The following ATRX variants were observed in gnomAD, a reference collection of about 807,000 sequenced individuals.
The protein encoded by ATRX is chromatin remodeler ATRX.
In ATRX, 12 loss-of-function variants were observed where a neutral mutation model predicts 172.6. The ratio of observed to expected loss-of-function variants is 0.07; its 90% CI spans 0.04 to 0.11. The LOEUF is 0.11. Among genes scored for constraint, ATRX ranks in the 10% least tolerant of loss-of-function variants. ATRX has a pLI of 1.00. For missense variants in ATRX, 1,368 were observed against 1,767.4 expected (o/e 0.77, Z 4.05); for synonymous variants, 674 against 594.7 (o/e 1.13, Z -1.94).
At chrX:77,593,229 G>GAAA (rs781904850) in intron 26 of ATRX, among the ~76,000 whole-genome samples, 10 of 55,126 alleles carry the variant, frequency 1.8e-4, no homozygotes, top group Admixed American at 4.5e-4. Context: ...GTCTCATAAT[G>GAAA]AAAAAAAAAA....
chrX:77,674,950 T>C (rs2070792496), intron 10 of ATRX: 1 of 111,580 alleles, frequency 9.0e-6, no homozygotes, highest in Admixed American at 9.6e-5. Context: ...AATCTGAATA[T>C]TTGTGTCCAC....
intron 1 of ATRX, among the ~76,000 whole-genome samples, chrX:77,732,862 C>T (rs1389839783): frequency 1.5e-4 from 17 of 111,396 alleles, no homozygotes; most frequent in Non-Finnish European, 2.3e-4. Context: ...ATCCAGATCA[C>T]GACAAGAATG....
At chrX:77,704,280 A>G (rs1480156975) in intron 2 of ATRX, among the ~76,000 whole-genome samples, 2 of 111,749 alleles carry the variant, frequency 1.8e-5, no homozygotes, top group Non-Finnish European at 3.8e-5. Context: ...AGCTCACAGC[A>G]GAGAGGAGGC....
chrX:77,662,359 C>T (rs1194663286), intron 12 of ATRX, among the ~76,000 whole-genome samples: 1 of 111,973 alleles, frequency 8.9e-6, no homozygotes, highest in Non-Finnish European at 1.9e-5. Flanking sequence ...AAATGGAAAT[C>T]TACTCTGACT....
chrX:77,763,424 G>C (rs1452130556), intron 1 of ATRX, among the ~76,000 whole-genome samples: 1 of 101,340 alleles, frequency 9.9e-6, no homozygotes, highest in Non-Finnish European at 2.0e-5. Context: ...GATTACAGGC[G>C]TGAGCCACCG....
chrX:77,584,581 G>A (rs2065940498), intron 27 of ATRX, among the ~76,000 whole-genome samples: 1 of 111,224 alleles, frequency 9.0e-6, no homozygotes, highest in Non-Finnish European at 1.9e-5. Context: ...AGCAAATGGT[G>A]CTGGGGAAAA....
chrX:77,773,203 C>A (rs1557200244), intron 1 of ATRX, among the ~76,000 whole-genome samples: 2 of 106,780 alleles, frequency 1.9e-5, no homozygotes, highest in Non-Finnish European at 3.8e-5. Flanking sequence ...TGCTTAACAA[C>A]AGGTCCAATC....
At chrX:77,527,316 T>C (rs1290635057) in intron 30 of ATRX, among the ~76,000 whole-genome samples, 1 of 111,251 alleles carries the variant, frequency 9.0e-6, no homozygotes, top group Non-Finnish European at 1.9e-5. Context: ...GTTCTCACAT[T>C]GGGACTGAAT....
At chrX:77,551,344 T>A (rs1557056089) in intron 30 of ATRX, among the ~76,000 whole-genome samples, 2 of 111,578 alleles carry the variant, frequency 1.8e-5, no homozygotes, top group Non-Finnish European at 3.8e-5. Flanking sequence ...TTGACAAACC[T>A]GACAAAAACA....
chrX:77,745,503 A>C (rs2075034612), intron 1 of ATRX, among the ~76,000 whole-genome samples: 1 of 111,801 alleles, frequency 8.9e-6, no homozygotes, highest in Admixed American at 9.6e-5. Flanking sequence ...AACAAACTTC[A>C]CATGTTCTCA....
At chrX:77,746,809 CTT>C (rs1311683213) in intron 1 of ATRX, among the ~76,000 whole-genome samples, 1 of 110,810 alleles carries the variant, frequency 9.0e-6, no homozygotes, top group African/African-American at 3.3e-5. Context: ...TTGAAAAACC[CTT>C]TTTTTGAGAT....
intron 30 of ATRX, among the ~76,000 whole-genome samples, chrX:77,549,990 A>AAATGAAATGAAATGAAATG (rs1569521366): frequency 9.0e-6 from 1 of 110,835 alleles, no homozygotes; most frequent in African/African-American, 3.3e-5. Context: ...GAAATGAAAT[A>AAATGAAATGAAATGAAATG]AAATAAAATA....
At chrX:77,765,287 C>T (rs1319062870) in intron 1 of ATRX, among the ~76,000 whole-genome samples, 4 of 112,275 alleles carry the variant, frequency 3.6e-5, no homozygotes, top group African/African-American at 1.3e-4. Context: ...AGCAAGGAAA[C>T]AGCTCTGAAG....
At chrX:77,580,793 A>G (rs929470237) in intron 27 of ATRX, among the ~76,000 whole-genome samples, 16 of 112,056 alleles carry the variant, frequency 1.4e-4, no homozygotes, top group African/African-American at 4.5e-4. Flanking sequence ...GTGGTGTATA[A>G]ATTACTCTTA....
At chrX:77,559,489 C>T (rs2064939600) in intron 28 of ATRX, among the ~76,000 whole-genome samples, 1 of 80,009 alleles carries the variant, frequency 1.2e-5, no homozygotes, top group Non-Finnish European at 2.2e-5. Flanking sequence ...GACGGAGACT[C>T]ACTCTGTCAC....
chrX:77,780,566 G>C (rs1016350898), intron 1 of ATRX, among the ~76,000 whole-genome samples: 1 of 109,093 alleles, frequency 9.2e-6, no homozygotes, highest in Non-Finnish European at 1.9e-5. Context: ...CTGACCTCAT[G>C]ATCCACCTGC....
intron 25 of ATRX, 89 bp downstream of exon 25, chrX:77,599,318 CAATT>C (rs1396723981): frequency 1.1e-5 from 11 of 990,320 alleles, no homozygotes; most frequent in Middle Eastern, 5.2e-4. Flanking sequence ...TCCTTTGAGT[CAATT>C]AGTCAGGTAA....
At position 77,682,979 on chromosome X, in the gene ATRX, T is replaced by G; in HGVS notation, c.2277A>C (p.Thr759=). 2 of 1,210,999 alleles carry G rather than the reference T, an allele frequency of 1.7e-6. No homozygotes were observed. The highest frequency in any genetic ancestry group is 2.2e-6 in the Non-Finnish European group (2 of 895,051). Residue 759 remains threonine, a synonymous_variant, in exon 9 of 35, where the codon ACA becomes ACC. Transcript: ENST00000373344. ...TTAAATCATACAAAGTCTTATGGTT[T>G]GTATGAATTTCATTAATATCAGTAT... ...SSDTDINEIH[T]NHKTLYDLKT...
intron 30 of ATRX, among the ~76,000 whole-genome samples, chrX:77,541,444 G>GA (rs1350464827): frequency 8.9e-6 from 1 of 111,924 alleles, no homozygotes; most frequent in Non-Finnish European, 1.9e-5. Flanking sequence ...TAGAAAAAGA[G>GA]GGAATCCTCC....
Sources: allele counts gnomAD v4.1 joint callset (sites outside exome capture counted in the v4.1 genomes callset), GRCh38; gene constraint gnomAD v4.1.1; transcripts MANE v1.5; gene names NCBI Gene and HGNC (gene_info 2026-07-23, HGNC 2026-07-21).